Variants in UFL1 observed in about 807,000 individuals in gnomAD.
UFL1 encodes UFM1 specific ligase 1.
A neutral mutation model predicts 99.3 loss-of-function variants in UFL1; 78 were observed. That is an observed-to-expected ratio of 0.79 (90% CI 0.65 to 0.95). The LOEUF is 0.95. Among genes scored for constraint, UFL1 ranks in the 40% least tolerant of loss-of-function variants. The pLI, the probability that UFL1 is intolerant of heterozygous loss-of-function variation, is 0.00. For missense variants in UFL1, 936 were observed against 937.0 expected, an observed-to-expected ratio of 1.00 and a Z score of 0.01; for synonymous variants, 335 against 322.2, an observed-to-expected ratio of 1.04 and a Z score of -0.42.
intron 12 of UFL1, among the ~76,000 whole-genome samples, chr6:96,545,341 A>G (rs1157428408): frequency 1.3e-5 from 2 of 151,126 alleles, no homozygotes; most frequent in African/African-American, 4.8e-5. Flanking sequence ...ATGCTTTCCT[A>G]AGTAAATGGG....
intron 7 of UFL1, 41 bp from the exon 8 acceptor site, chr6:96,536,203 C>A (rs1769849999): frequency 1.3e-6 from 2 of 1,553,464 alleles, no homozygotes; most frequent in South Asian, 2.5e-5. Flanking sequence ...AAGATTTATA[C>A]CTGGTCTGAT....
At position 96,553,820 on chromosome 6, in the gene UFL1, AAAAC is replaced by A. The variant is rs1197250179; in HGVS notation, c.*321_*324del. The stretch of plus-strand genomic sequence containing the variant: ...TGTTCTCTTTCCAAATGTTGAATGA[AAAAC>A]AAATTTTCCAATCCATTTATCCCTG... On this transcript the variant is annotated 3_prime_UTR_variant, in exon 19 of 19. Coordinates refer to ENST00000369278, the MANE Select transcript of UFL1 (RefSeq NM_015323.5). The A allele has an allele frequency of 4.6e-6, 1 of 217,684 alleles. No individual in the cohort carries two copies. The highest frequency in any genetic ancestry group is 2.3e-5 in the African/African-American group (1 of 43,828). 13.5% of individuals were successfully genotyped at this position (217,684 alleles called of 1,614,324 possible).
rs1770139119 is a variant in UFL1, at chr6:96,555,208, A to T, written c.*1705A>T. The T allele has an allele frequency of 6.6e-6, 1 of 152,094 alleles. No individual in the cohort carries two copies. The highest frequency in any genetic ancestry group is 6.6e-5 in the Admixed American group (1 of 15,260). 9.4% of individuals were successfully genotyped at this position (152,094 alleles called of 1,614,324 possible). Reference sequence around the variant, plus strand: ...TAATTTCCATAATAAAAATTATTGTATGTTTACTGTGATCTTAATGGGCAG... The same window carrying T: ...TAATTTCCATAATAAAAATTATTGTTTGTTTACTGTGATCTTAATGGGCAG... On this transcript the variant is annotated 3_prime_UTR_variant, in exon 19 of 19. Coordinates refer to ENST00000369278, the MANE Select transcript of UFL1 (RefSeq NM_015323.5).
intron 11 of UFL1, among the ~76,000 whole-genome samples, chr6:96,542,509 G>A (rs910643965): frequency 6.6e-6 from 1 of 151,260 alleles, no homozygotes; most frequent in Non-Finnish European, 1.5e-5. Context: ...TATTGATGAG[G>A]CTGTGGTAAC....
Position 96,522,608 on chromosome 6 carries a change from C to T in UFL1, c.78-538C>T, listed in dbSNP as rs555532204. ...TTATTCCTTTTGAGCCGGAAGACAGCAATCCCCTTATGCTGTATTTTCTAC... is the reference window on the plus strand; with the variant it reads ...TTATTCCTTTTGAGCCGGAAGACAGTAATCCCCTTATGCTGTATTTTCTAC... On this transcript the variant is annotated intron_variant, in intron 1 of 18. Coordinates refer to ENST00000369278, the MANE Select transcript of UFL1 (RefSeq NM_015323.5). 5.3e-5 allele frequency among the ~76,000 whole-genome samples: 8 copies of T among 152,292 alleles called. No individual in the cohort carries two copies. The South Asian group carries it at 1.5e-3, about 28-fold the overall frequency.
At chr6:96,525,782 C>T (rs930887136) in intron 4 of UFL1, among the ~76,000 whole-genome samples, 4 of 151,240 alleles carry the variant, frequency 2.6e-5, no homozygotes, top group South Asian at 4.2e-4. Context: ...GTAACTTTTA[C>T]GTTCCTTCCC....
rs1427266478 is a variant in UFL1 at position 96,523,251 on chromosome 6, A to G, written c.183A>G (p.Gln61=). 30 of 1,611,598 alleles carry G rather than the reference A, an allele frequency of 1.9e-5. No individual in the cohort carries two copies. The highest frequency in any genetic ancestry group is 2.5e-5 in the Non-Finnish European group (29 of 1,178,820). The stretch of plus-strand genomic sequence containing the variant: ...GAAAGGAATATATTACTCCAGCCCA[A>G]ATTAGTAAAGAAATGAGAGATGAGC... ...LDGKEYITPA[Q]ISKEMRDELH... The change falls in exon 2 of 19, where the codon CAA becomes CAG. Residue 61 remains glutamine, a synonymous_variant. Coordinates refer to ENST00000369278, the MANE Select transcript of UFL1 (RefSeq NM_015323.5).
Position 96,534,248 on chromosome 6 carries a change from TA to T in UFL1, c.597-13del. 1 of 1,504,736 alleles carries T rather than the reference TA, an allele frequency of 6.6e-7. No homozygotes were observed. Among genetic ancestry groups the T allele is most frequent in the Non-Finnish European group, 8.8e-7 (1 of 1,130,182 alleles). The allele number at this position is 1,504,736 out of a possible 1,614,324, so 93.2% of individuals were successfully genotyped here. On this transcript the variant is annotated splice_polypyrimidine_tract_variant and intron_variant, in intron 6 of 18. Transcript: ENST00000369278. ...AATGAGTAAGAAGTTTTTTTTTTTT[TA>T]ACTTTCCATAAAGGCCTACAGCTGT... is the stretch of plus-strand genomic sequence containing the variant.
Position 96,555,086 on chromosome 6 carries a change from TTTTCA to T in UFL1, c.*1587_*1591del, listed in dbSNP as rs1770136673. The T allele has an allele frequency of 6.5e-6, 1 of 152,692 alleles. No homozygotes were observed. The highest frequency in any genetic ancestry group is 1.9e-4 in the East Asian group (1 of 5,190). 9.5% of individuals were successfully genotyped at this position (152,692 alleles called of 1,614,324 possible). On this transcript the variant is annotated 3_prime_UTR_variant, in exon 19 of 19. Transcript: ENST00000369278. ...TGTTTTAATTTGTTTGCATTAATTT[TTTTCA>T]TTTGTCAAAATGCTTCTTTTGTTGC...
chr6:96,542,933 C>G lies in UFL1; in HGVS notation c.1319C>G (p.Ala440Gly). ...ATGAGAGGAGGAGGTGGGGGCAATG[C>G]CAGAGAGTACAAAATTAAAAAAGTC... ...GSMRGGGGGNAREYKIKKVKK... is the reference protein window; with the variant it reads ...GSMRGGGGGNGREYKIKKVKK... Residue 440 changes from alanine to glycine, a missense_variant, in exon 12 of 19, where the codon GCC becomes GGC. Physicochemically the swap from Ala to Gly is moderately conservative, Grantham distance 60. Coordinates refer to ENST00000369278, the MANE Select transcript of UFL1 (RefSeq NM_015323.5). The G allele has an allele frequency of 6.3e-7, 1 of 1,599,226 alleles. No individual in the cohort carries two copies. Among genetic ancestry groups the G allele is most frequent in the Non-Finnish European group, 8.5e-7 (1 of 1,172,416 alleles).
chr6:96,529,775 T>C (rs1769755129), intron 6 of UFL1, among the ~76,000 whole-genome samples: 1 of 152,176 alleles, frequency 6.6e-6, no homozygotes, highest in Non-Finnish European at 1.5e-5. Flanking sequence ...TCAACAAGCA[T>C]TTGTTGAGCA....
rs1770076087 is a variant in UFL1, at chr6:96,551,301, A to G, written c.1819-132A>G. On this transcript the variant is annotated intron_variant, in intron 15 of 18. Coordinates refer to ENST00000369278, the MANE Select transcript of UFL1 (RefSeq NM_015323.5). ...TGACTCTAATAATGTTTTTGTCTCT[A>G]ATTTGAGATCTAAAATTCAAGAATA... 7.1e-6 allele frequency: 4 copies of G among 565,292 alleles called. No individual in the cohort carries two copies. The East Asian group carries it at 1.4e-4, about 20-fold the overall frequency. The allele number at this position is 565,292 out of a possible 1,614,324, so 35.0% of individuals were successfully genotyped here. A position where few individuals can be genotyped will look rare whatever the true frequency, so the allele number is the denominator to read the frequency against.
intron 1 of UFL1, among the ~76,000 whole-genome samples, chr6:96,522,168 A>C (rs1769623885): frequency 6.6e-6 from 1 of 152,140 alleles, no homozygotes; most frequent in Non-Finnish European, 1.5e-5. Context: ...CCCCCAGCCC[A>C]GCTGCAGCGA....
Position 96,551,881 on chromosome 6 carries a change from CT to C in UFL1, c.1945del (p.Cys649ValfsTer5). Reference sequence around the variant, plus strand: ...TCTTGTCTGGATTCTGCAGCAGAAGCTTGTGATATTATGGTGAAAAGGGGAG... The same window carrying C: ...TCTTGTCTGGATTCTGCAGCAGAAGCTGTGATATTATGGTGAAAAGGGGAG... ...FISCLDSAAE[A>X]CDIMVKRGDK... On this transcript the variant is annotated frameshift_variant, in exon 17 of 19. Coordinates refer to ENST00000369278, the MANE Select transcript of UFL1 (RefSeq NM_015323.5). LOFTEE classifies it high-confidence loss of function. 6.2e-7 allele frequency: 1 copy of C among 1,608,834 alleles called. No homozygotes were observed. Among genetic ancestry groups the C allele is most frequent in the Non-Finnish European group, 8.5e-7 (1 of 1,176,952 alleles).
intron 9 of UFL1, among the ~76,000 whole-genome samples, chr6:96,538,312 A>G (rs901163280): frequency 6.6e-6 from 1 of 151,806 alleles, no homozygotes; most frequent in Non-Finnish European, 1.5e-5. Context: ...GAAGGTTATC[A>G]GGACATCCTG....
chr6:96,539,841 T>C (rs1769905505), intron 10 of UFL1, among the ~76,000 whole-genome samples: 1 of 151,492 alleles, frequency 6.6e-6, no homozygotes, highest in African/African-American at 2.4e-5. Flanking sequence ...AAAAATAAAT[T>C]TGGAAAAAGG....
chr6:96,527,437 C>CT (rs149694339), intron 5 of UFL1, among the ~76,000 whole-genome samples: 5,507 of 152,148 alleles, frequency 0.036, 132 homozygotes, highest in South Asian at 0.11. Flanking sequence ...CTTTAGGTAT[C>CT]TATCACTTTA....
At position 96,549,532 on chromosome 6, in the gene UFL1, G is replaced by C; in HGVS notation, c.1641G>C (p.Leu547=). ...IKDLQEEVSN[L]YNNIRLFEKG... ...ACTTGCAAGAAGAAGTTTCAAACCT[G>C]TACAATAACATTAGGTTATTTGAAA... The change falls in exon 14 of 19, where the codon CTG becomes CTC. Residue 547 remains leucine, a synonymous_variant. Transcript: ENST00000369278. The C allele has an allele frequency of 1.3e-6, 2 of 1,597,550 alleles. No individual in the cohort carries two copies. Among genetic ancestry groups the C allele is most frequent in the South Asian group, 1.1e-5 (1 of 87,244 alleles).
intron 1 of UFL1, 107 bp downstream of exon 1, chr6:96,522,057 G>C: frequency 8.0e-7 from 1 of 1,246,360 alleles, no homozygotes; most frequent in Non-Finnish European, 1.1e-6. Context: ...TCTTCTCGCT[G>C]CTTGTCACCA....
Sources: gnomAD v4.1 joint callset for allele counts (sites outside exome capture counted in the v4.1 genomes callset) on GRCh38, gnomAD v4.1.1 for gene constraint, MANE v1.5 for transcripts, NCBI Gene and HGNC (gene_info 2026-07-23, HGNC 2026-07-21) for gene names.